Variants in HECW2 observed in about 807,000 individuals in gnomAD.
The protein encoded by HECW2 is HECT, C2 and WW domain containing E3 ubiquitin protein ligase 2, also known as E3 ubiquitin-protein ligase HECW2.
HECW2 carries 61 observed loss-of-function variants against 175.2 expected under a neutral mutation model. That is an observed-to-expected ratio of 0.35 (90% CI 0.28 to 0.43). The LOEUF is 0.43. HECW2 is among the 20% of genes least tolerant of loss of function. HECW2 has a pLI of 1.00. For synonymous variants in HECW2, 671 were observed against 731.0 expected (o/e 0.92, Z 1.32); for missense variants, 1,524 against 2,000.5 (o/e 0.76, Z 4.54).
intron 1 of HECW2, among the ~76,000 whole-genome samples, chr2:196,583,112 G>C (rs1690851900): frequency 6.6e-6 from 1 of 152,180 alleles, no homozygotes; most frequent in Non-Finnish European, 1.5e-5. Flanking sequence ...GGGTCGTATT[G>C]CCATGCTCCT....
At chr2:196,422,576 CACACGAG>C (rs1695435501) in intron 2 of HECW2, among the ~76,000 whole-genome samples, 1 of 152,010 alleles carries the variant, frequency 6.6e-6, no homozygotes, top group Admixed American at 6.6e-5. Flanking sequence ...CCTGCCAACC[CACACGAG>C]ACATGCAGCA....
At chr2:196,263,928 G>A (rs1207219656) in intron 17 of HECW2, 1 of 152,002 alleles carries the variant, frequency 6.6e-6, no homozygotes, top group Non-Finnish European at 1.5e-5. Flanking sequence ...TATTAGATAG[G>A]CTCCATAATT....
At chr2:196,582,419 G>T (rs965429714) in intron 1 of HECW2, among the ~76,000 whole-genome samples, 5 of 152,172 alleles carry the variant, frequency 3.3e-5, no homozygotes, top group Admixed American at 1.3e-4. Flanking sequence ...AGTAGTTTCT[G>T]TTTCTGTATC....
rs1037316766 is a variant in HECW2, at chr2:196,288,670, G to A, written c.3000+3895C>T. 28 of 152,162 alleles carry A rather than the reference G, an allele frequency of 1.8e-4. 1 individual carries two copies. Among genetic ancestry groups the A allele is most frequent in the Admixed American group, 1.6e-3 (24 of 15,274 alleles). The allele number at this position is 152,162 out of a possible 1,614,324, so 9.4% of individuals were successfully genotyped here. ...TATTTTCATGAAATGCCAAACTGAT[G>A]AGATTTTTTGGTTACTATTCTATAT... On this transcript the variant is annotated intron_variant, in intron 14 of 28. Transcript: ENST00000644978.
chr2:196,206,722 T>C (rs1000580489), intron 28 of HECW2, among the ~76,000 whole-genome samples: 1 of 152,184 alleles, frequency 6.6e-6, no homozygotes, highest in African/African-American at 2.4e-5. Context: ...AGTTTGTGTA[T>C]CCTGTGCTCT....
intron 1 of HECW2, among the ~76,000 whole-genome samples, chr2:196,505,884 G>T (rs945590981): frequency 1.3e-5 from 2 of 152,152 alleles, no homozygotes; most frequent in Non-Finnish European, 2.9e-5. Context: ...CCCCAACTGT[G>T]GAGTTTTCCT....
chr2:196,376,244 T>C (rs1172842062), intron 2 of HECW2, among the ~76,000 whole-genome samples: 1 of 152,192 alleles, frequency 6.6e-6, no homozygotes, highest in Non-Finnish European at 1.5e-5. Flanking sequence ...TTTGAAGAGA[T>C]ACTAAGAATA....
At chr2:196,294,614 C>T (rs535076406) in intron 13 of HECW2, among the ~76,000 whole-genome samples, 2 of 152,274 alleles carry the variant, frequency 1.3e-5, no homozygotes, top group East Asian at 3.9e-4. Flanking sequence ...CATTTATTGT[C>T]TTTGCTGTAC....
intron 28 of HECW2, among the ~76,000 whole-genome samples, chr2:196,202,143 G>A (rs1686880805): frequency 2.0e-5 from 3 of 152,034 alleles, no homozygotes; most frequent in African/African-American, 7.3e-5. Flanking sequence ...AAGCAAATCT[G>A]CACTTTTGAC....
At chr2:196,317,977 A>C (rs1198844545) in intron 9 of HECW2, among the ~76,000 whole-genome samples, 1 of 152,214 alleles carries the variant, frequency 6.6e-6, no homozygotes. Flanking sequence ...GACATTCCTA[A>C]ATTGTAGAAG....
At chr2:196,524,346 G>T (rs1304154381) in intron 1 of HECW2, among the ~76,000 whole-genome samples, 2 of 105,752 alleles carry the variant, frequency 1.9e-5, no homozygotes, top group Non-Finnish European at 3.5e-5. Context: ...TTTTTATTGT[G>T]TCTATTTGAT....
intron 1 of HECW2, among the ~76,000 whole-genome samples, chr2:196,436,697 T>C (rs2125280136): frequency 6.6e-6 from 1 of 151,410 alleles, no homozygotes; most frequent in East Asian, 1.9e-4. Flanking sequence ...CATCTACTAC[T>C]ACATGTCTAC....
At chr2:196,312,816 C>A (rs1691549992) in intron 10 of HECW2, among the ~76,000 whole-genome samples, 1 of 152,046 alleles carries the variant, frequency 6.6e-6, no homozygotes, top group Non-Finnish European at 1.5e-5. Context: ...CCATTTTTTC[C>A]TCAAAACAAA....
chr2:196,412,112 C>A (rs1559095485), intron 2 of HECW2, among the ~76,000 whole-genome samples: 1 of 152,116 alleles, frequency 6.6e-6, no homozygotes. Context: ...ATGCACAAAC[C>A]TATTGTATTA....
intron 1 of HECW2, among the ~76,000 whole-genome samples, chr2:196,532,416 G>A (rs1575644864): frequency 6.6e-6 from 1 of 152,080 alleles, no homozygotes; most frequent in African/African-American, 2.4e-5. Context: ...CTCATAAGTG[G>A]GAGTTGAACA....
intron 1 of HECW2, among the ~76,000 whole-genome samples, chr2:196,559,528 C>T (rs574653556): frequency 2.0e-4 from 30 of 152,298 alleles, no homozygotes; most frequent in Middle Eastern, 3.4e-3. Flanking sequence ...TAGGGTTATG[C>T]GACAAGCCTG....
chr2:196,466,046 T>G (rs1696940187), intron 1 of HECW2, among the ~76,000 whole-genome samples: 1 of 152,238 alleles, frequency 6.6e-6, no homozygotes, highest in South Asian at 2.1e-4. Flanking sequence ...GTTAAGAATA[T>G]TTTTTAGAAA....
intron 2 of HECW2, among the ~76,000 whole-genome samples, chr2:196,408,627 C>A (rs1300014331): frequency 6.6e-6 from 1 of 152,194 alleles, no homozygotes; most frequent in Non-Finnish European, 1.5e-5. Flanking sequence ...CTCCATTGAA[C>A]TTTCTTTCAA....
chr2:196,372,438 T>C (rs536310792), intron 2 of HECW2, among the ~76,000 whole-genome samples: 6 of 152,372 alleles, frequency 3.9e-5, no homozygotes, highest in African/African-American at 1.4e-4. Flanking sequence ...GGTGGTCCCC[T>C]ACAGTTTCTA....
Sources: allele counts gnomAD v4.1 joint callset (sites outside exome capture counted in the v4.1 genomes callset), GRCh38; gene constraint gnomAD v4.1.1; transcripts MANE v1.5; gene names NCBI Gene and HGNC (gene_info 2026-07-23, HGNC 2026-07-21).